The following LOC400499 variants were observed in gnomAD, a reference collection of about 807,000 sequenced individuals.
the LOC400499 span, among the ~76,000 whole-genome samples, chr16:11,412,176 T>G: frequency 4.6e-5 from 7 of 152,160 alleles, no homozygotes; most frequent in Non-Finnish European, 1.5e-5. Flanking sequence ...CTCTCCCCTG[T>G]TGCTAACTCC....
chr16:11,381,223 T>C, the LOC400499 span: 2 of 152,190 alleles, frequency 1.3e-5, no homozygotes, highest in Non-Finnish European at 2.9e-5. Flanking sequence ...ACATTTTTCA[T>C]GCATTTATTT....
At chr16:11,443,674 A>G in the LOC400499 span, among the ~76,000 whole-genome samples, 1 of 152,222 alleles carries the variant, frequency 6.6e-6, no homozygotes, top group Non-Finnish European at 1.5e-5. Flanking sequence ...CAGCCACTGC[A>G]TAGAGATGAG....
At chr16:11,474,703 C>CA in the LOC400499 span, among the ~76,000 whole-genome samples, 35,260 of 138,426 alleles carry the variant, frequency 0.25, 4,336 homozygotes, top group African/African-American at 0.31. Flanking sequence ...CTACAAAATA[C>CA]AAAAAAAAAA....
chr16:11,460,918 C>A, the LOC400499 span: 3 of 1,489,870 alleles, frequency 2.0e-6, no homozygotes, highest in Non-Finnish European at 2.7e-6. Context: ...ACAGGGCAGG[C>A]CCTGCCACCT....
the LOC400499 span, among the ~76,000 whole-genome samples, chr16:11,411,606 TCTGAGCCTCAGCTTCCC>T: frequency 6.6e-6 from 1 of 152,182 alleles, no homozygotes. Context: ...GTTGTCCCTC[TCTGAGCCTCAGCTTCCC>T]CTGAGCCTCA....
the LOC400499 span, among the ~76,000 whole-genome samples, chr16:11,492,602 G>A: frequency 1.9e-3 from 285 of 152,062 alleles, 2 homozygotes; most frequent in African/African-American, 5.8e-3. Flanking sequence ...GGCTAACACG[G>A]TGAAACCCCA....
At chr16:11,507,469 A>G in the LOC400499 span, among the ~76,000 whole-genome samples, 2 of 152,172 alleles carry the variant, frequency 1.3e-5, no homozygotes, top group Non-Finnish European at 2.9e-5. Context: ...CAGCTCTATC[A>G]CTTGCTAGCA....
chr16:11,474,877 A>C, the LOC400499 span, among the ~76,000 whole-genome samples: 1 of 152,128 alleles, frequency 6.6e-6, no homozygotes, highest in Non-Finnish European at 1.5e-5. Context: ...ATAATAATAA[A>C]AGTACAATAT....
chr16:11,399,264 T>G, the LOC400499 span: 4 of 985,178 alleles, frequency 4.1e-6, no homozygotes, highest in African/African-American at 7.0e-5. Context: ...CCCTTGCTTT[T>G]CTTGTCTTCC....
chr16:11,443,287 G>A, the LOC400499 span: 1 of 337,742 alleles, frequency 3.0e-6, no homozygotes, highest in Non-Finnish European at 5.5e-6. Context: ...TTGCGCAGCT[G>A]CACCCTAGCC....
At chr16:11,524,978 T>C in the LOC400499 span, among the ~76,000 whole-genome samples, 1 of 152,148 alleles carries the variant, frequency 6.6e-6, no homozygotes, top group Non-Finnish European at 1.5e-5. Flanking sequence ...TGCTGACCTG[T>C]TTAATCCCTC....
chr16:11,505,881 C>T, the LOC400499 span, among the ~76,000 whole-genome samples: 4 of 152,076 alleles, frequency 2.6e-5, no homozygotes, highest in Middle Eastern at 3.2e-3. Flanking sequence ...ACGTTAGAAA[C>T]GTTCAAATTC....
chr16:11,520,432 A>G, the LOC400499 span, among the ~76,000 whole-genome samples: 5 of 152,124 alleles, frequency 3.3e-5, no homozygotes, highest in African/African-American at 1.2e-4. Flanking sequence ...CGAGGTGGGC[A>G]GATCACTTGA....
chr16:11,493,478 C>G, the LOC400499 span, among the ~76,000 whole-genome samples: 1 of 152,146 alleles, frequency 6.6e-6, no homozygotes. Flanking sequence ...TCCCACACTA[C>G]ACACAGGCTT....
chr16:11,513,370 C>A, the LOC400499 span, among the ~76,000 whole-genome samples: 3 of 146,774 alleles, frequency 2.0e-5, no homozygotes, highest in Admixed American at 7.1e-5. Context: ...CAGACCACTG[C>A]TCTCCAGCCT....
At chr16:11,460,121 T>C in the LOC400499 span, 1 of 1,258,910 alleles carries the variant, frequency 7.9e-7, no homozygotes, top group Admixed American at 3.6e-5. Flanking sequence ...GGCCTCCTCA[T>C]AGCCACCCAC....
chr16:11,474,703 CAA>C, the LOC400499 span, among the ~76,000 whole-genome samples: 1,220 of 138,586 alleles, frequency 8.8e-3, 16 homozygotes, highest in African/African-American at 0.024. Context: ...CTACAAAATA[CAA>C]AAAAAAAAAA....
the LOC400499 span, among the ~76,000 whole-genome samples, chr16:11,489,445 C>T: frequency 6.6e-6 from 1 of 152,126 alleles, no homozygotes; most frequent in African/African-American, 2.4e-5. Flanking sequence ...GACATGTGAC[C>T]CATGAAGGTC....
the LOC400499 span, among the ~76,000 whole-genome samples, chr16:11,407,632 G>C: frequency 1.3e-5 from 2 of 152,200 alleles, no homozygotes. Context: ...AATTCTAGTT[G>C]TAGTACTGTT....
Sources: allele counts gnomAD v4.1 joint callset (sites outside exome capture counted in the v4.1 genomes callset), GRCh38; gene constraint gnomAD v4.1.1; transcripts MANE v1.5.